Variants in GABRG3 observed in about 807,000 individuals in gnomAD.
GABRG3 encodes the protein gamma-aminobutyric acid type A receptor subunit gamma3.
GABRG3 carries 25 observed loss-of-function variants against 48.8 expected under a neutral mutation model. The observed-to-expected ratio is 0.51, with a 90% CI of 0.37 to 0.72. The LOEUF (loss-of-function observed/expected upper bound fraction) is 0.72, where lower values mean the gene tolerates loss of function less well. Among genes scored for constraint, GABRG3 ranks in the 30% least tolerant of loss-of-function variants. The pLI is 0.00. For missense variants in GABRG3, 394 were observed against 577.9 expected, an observed-to-expected ratio of 0.68 and a Z score of 3.26; for synonymous variants, 227 against 217.6, an observed-to-expected ratio of 1.04 and a Z score of -0.38.
intron 3 of GABRG3, among the ~76,000 whole-genome samples, chr15:27,181,923 C>T (rs1887944467): frequency 6.6e-6 from 1 of 151,578 alleles, no homozygotes; most frequent in Non-Finnish European, 1.5e-5. Context: ...AACTACCAAA[C>T]ACCACTGTAA....
At chr15:27,290,991 G>T (rs781772078) in intron 3 of GABRG3, among the ~76,000 whole-genome samples, 100 of 152,084 alleles carry the variant, frequency 6.6e-4, no homozygotes, top group Non-Finnish European at 1.3e-3. Context: ...TTAATATTAA[G>T]AAAATAAATA....
chr15:27,255,119 C>T (rs544880617), intron 3 of GABRG3, among the ~76,000 whole-genome samples: 20 of 152,302 alleles, frequency 1.3e-4, no homozygotes, highest in African/African-American at 4.8e-4. Flanking sequence ...TGCCTGACAG[C>T]GGCTGCCTCC....
At chr15:27,310,631 CT>C (rs1192401953) in intron 3 of GABRG3, among the ~76,000 whole-genome samples, 1 of 152,098 alleles carries the variant, frequency 6.6e-6, no homozygotes, top group Non-Finnish European at 1.5e-5. Context: ...CAACCTGATC[CT>C]AAAATGTATA....
intron 3 of GABRG3, among the ~76,000 whole-genome samples, chr15:27,226,020 G>A (rs1332252840): frequency 2.0e-5 from 3 of 152,204 alleles, no homozygotes; most frequent in African/African-American, 7.2e-5. Flanking sequence ...GGCAGGCACA[G>A]GCACAGAAAT....
chr15:27,496,047 A>T (rs1017311098), intron 6 of GABRG3, among the ~76,000 whole-genome samples: 2 of 152,150 alleles, frequency 1.3e-5, no homozygotes, highest in Non-Finnish European at 2.9e-5. Context: ...GTGATACTCC[A>T]TGGGTGAGGT....
At chr15:27,493,601 C>A (rs999163273) in intron 6 of GABRG3, among the ~76,000 whole-genome samples, 68 of 152,104 alleles carry the variant, frequency 4.5e-4, no homozygotes, top group African/African-American at 1.5e-3. Flanking sequence ...AAAGACTGCT[C>A]TGAAGTTAAG....
intron 2 of GABRG3, among the ~76,000 whole-genome samples, chr15:27,012,688 T>C (rs2140668149): frequency 6.6e-6 from 1 of 152,320 alleles, no homozygotes; most frequent in Non-Finnish European, 1.5e-5. Context: ...TCTCAGTACC[T>C]GGTTTTATTC....
At chr15:27,158,888 C>T (rs1373458364) in intron 3 of GABRG3, among the ~76,000 whole-genome samples, 5 of 152,094 alleles carry the variant, frequency 3.3e-5, no homozygotes, top group African/African-American at 1.2e-4. Context: ...TCATTTCACT[C>T]TAGTTTGAAA....
rs551013129 is a variant in GABRG3 at position 27,467,008 on chromosome 15, A to T, written c.575-13642A>T. 2.4e-4 allele frequency among the ~76,000 whole-genome samples: 36 copies of T among 152,338 alleles called. No individual in the cohort carries two copies. The East Asian group carries it at 3.1e-3, about 13-fold the overall frequency. ...TGGCCTGGAACACTGCTGTGCATTT[A>T]ATATAGCATCTTAGTCATCTGGGGC... On this transcript the variant is annotated intron_variant, in intron 5 of 9. Coordinates refer to ENST00000615808, the MANE Select transcript of GABRG3 (RefSeq NM_033223.5).
intron 3 of GABRG3, among the ~76,000 whole-genome samples, chr15:27,119,526 A>G (rs1168170391): frequency 6.6e-6 from 1 of 152,218 alleles, no homozygotes; most frequent in Non-Finnish European, 1.5e-5. Context: ...AAAGCCGCAT[A>G]CACTTACTGC....
intron 2 of GABRG3, among the ~76,000 whole-genome samples, chr15:26,978,976 T>G (rs1328669745): frequency 2.0e-5 from 3 of 152,212 alleles, no homozygotes; most frequent in African/African-American, 7.2e-5. Context: ...GATAGGTCTC[T>G]TCATTATTTA....
intron 3 of GABRG3, among the ~76,000 whole-genome samples, chr15:27,244,075 A>G (rs1890206092): frequency 6.6e-6 from 1 of 152,224 alleles, no homozygotes; most frequent in African/African-American, 2.4e-5. Flanking sequence ...GATGAAGAGC[A>G]TATGGATGTG....
At chr15:27,298,435 G>C (rs956831114) in intron 3 of GABRG3, among the ~76,000 whole-genome samples, 1 of 152,092 alleles carries the variant, frequency 6.6e-6, no homozygotes, top group African/African-American at 2.4e-5. Context: ...AGGGGAAAGA[G>C]GGAGGTTGTA....
chr15:27,370,305 T>C (rs144107330), intron 5 of GABRG3, among the ~76,000 whole-genome samples: 5 of 152,326 alleles, frequency 3.3e-5, no homozygotes, highest in Admixed American at 1.3e-4. Flanking sequence ...GATAGCACAA[T>C]GGACAGGTTG....
At chr15:27,458,126 G>A (rs567877872) in intron 5 of GABRG3, among the ~76,000 whole-genome samples, 108 of 152,126 alleles carry the variant, frequency 7.1e-4, no homozygotes, top group African/African-American at 2.4e-3. Flanking sequence ...GCTGGACACT[G>A]GCGCACACAC....
At chr15:27,336,544 A>C (rs1893983211) in intron 5 of GABRG3, among the ~76,000 whole-genome samples, 1 of 152,220 alleles carries the variant, frequency 6.6e-6, no homozygotes, top group Admixed American at 6.5e-5. Flanking sequence ...CCTGGCAAGG[A>C]TGTGGAAAAC....
At chr15:27,514,351 T>C (rs1255396810) in intron 6 of GABRG3, among the ~76,000 whole-genome samples, 1 of 152,058 alleles carries the variant, frequency 6.6e-6, no homozygotes, top group Non-Finnish European at 1.5e-5. Flanking sequence ...AATTAAGGAG[T>C]TGGCTGAGCT....
intron 3 of GABRG3, among the ~76,000 whole-genome samples, chr15:27,272,487 C>T (rs1891122491): frequency 1.3e-5 from 2 of 152,178 alleles, no homozygotes; most frequent in African/African-American, 4.8e-5. Flanking sequence ...GTGGTATTTT[C>T]AAAGACCTCT....
chr15:27,112,051 A>G (rs953963511), intron 3 of GABRG3, among the ~76,000 whole-genome samples: 3 of 152,304 alleles, frequency 2.0e-5, no homozygotes, highest in East Asian at 1.9e-4. Flanking sequence ...AAAGTTCAGT[A>G]AAGTGTAGGA....
Sources: gnomAD v4.1 joint callset for allele counts (sites outside exome capture counted in the v4.1 genomes callset) on GRCh38, gnomAD v4.1.1 for gene constraint, MANE v1.5 for transcripts, NCBI Gene and HGNC (gene_info 2026-07-23, HGNC 2026-07-21) for gene names.